Variants in GNG7 observed in about 807,000 individuals in gnomAD.
GNG7 encodes guanine nucleotide-binding protein G(I)/G(S)/G(O) subunit gamma-7.
Under a neutral mutation model 4.0 loss-of-function variants are expected in GNG7, and 1 was observed. That is an observed-to-expected ratio of 0.25 (90% CI 0.09 to 1.18). The LOEUF is 1.18. GNG7 is among the 50% of genes most tolerant of loss of function. The pLI is 0.50. For missense variants in GNG7, 86 were observed against 91.9 expected (o/e 0.94, Z 0.26); for synonymous variants, 34 against 36.9 (o/e 0.92, Z 0.29).
chr19:2,678,666 C>A (rs975211414), intron 1 of GNG7, among the ~76,000 whole-genome samples: 10 of 152,044 alleles, frequency 6.6e-5, no homozygotes, highest in African/African-American at 2.4e-4. Flanking sequence ...TCGGAGGGTC[C>A]TGGGCAGCAG....
At position 2,525,715 on chromosome 19, in the gene GNG7, G is replaced by A. The variant is rs189102991; in HGVS notation, c.-37-4990C>T. Among the ~76,000 whole-genome samples the A allele has an allele frequency of 6.2e-4, 94 of 152,020 alleles. No individual in the cohort carries two copies. The Middle Eastern group carries it at 0.014, about 22-fold the overall frequency. The stretch of plus-strand genomic sequence containing the variant: ...CCCCTTGCTCCGGCAGTTATCCCGA[G>A]GGCAAAAAATGAAAAGAAATAAAAA... On this transcript the variant is annotated intron_variant, in intron 3 of 4. Transcript: ENST00000382159.
chr19:2,683,187 C>A (rs527979536), intron 1 of GNG7, among the ~76,000 whole-genome samples: 8 of 151,452 alleles, frequency 5.3e-5, no homozygotes, highest in African/African-American at 1.9e-4. Flanking sequence ...TGCAGTGAGC[C>A]GAGATTGTGC....
intron 3 of GNG7, among the ~76,000 whole-genome samples, chr19:2,554,501 G>GTATACATATATATAGGTA (rs1979484992): frequency 6.8e-6 from 1 of 147,910 alleles, no homozygotes; most frequent in Non-Finnish European, 1.5e-5. Context: ...ACGCCACTGT[G>GTATACATATATATAGGTA]TATACATATA....
intron 2 of GNG7, among the ~76,000 whole-genome samples, chr19:2,562,930 C>A (rs1979787705): frequency 7.3e-6 from 1 of 137,120 alleles, no homozygotes; most frequent in Admixed American, 7.3e-5. Context: ...GGGACAGATT[C>A]AATCTTTTTC....
At chr19:2,682,523 C>A (rs966065239) in intron 1 of GNG7, among the ~76,000 whole-genome samples, 1 of 151,110 alleles carries the variant, frequency 6.6e-6, no homozygotes, top group African/African-American at 2.4e-5. Context: ...ATTGGCCAGG[C>A]GTGGTGGCAC....
In GNG7 at chr19:2,652,676, G is replaced by A. The variant is rs114859957; in HGVS notation, c.-134-6396C>T. Among the ~76,000 whole-genome samples the A allele has an allele frequency of 9.1e-3, 1,391 of 152,092 alleles. 21 individuals carry two copies. The highest frequency in any genetic ancestry group is 0.029 in the African/African-American group (1,207 of 41,464). On this transcript the variant is annotated intron_variant, in intron 1 of 4. Coordinates refer to ENST00000382159, the MANE Select transcript of GNG7 (RefSeq NM_052847.3). Reference sequence around the variant, plus strand: ...ACATAGAAACAGAAAGCAGAAGAGCGGTTAGTGGTAGAGGAGGGAAAGGAA... The same window carrying A: ...ACATAGAAACAGAAAGCAGAAGAGCAGTTAGTGGTAGAGGAGGGAAAGGAA...
chr19:2,527,935 T>C (rs1225624078), intron 3 of GNG7, among the ~76,000 whole-genome samples: 1 of 152,152 alleles, frequency 6.6e-6, no homozygotes, highest in African/African-American at 2.4e-5. Flanking sequence ...GCAAAGAGTT[T>C]GAACCCAGCT....
Position 2,692,508 on chromosome 19 carries a change from G to A in GNG7, c.-135+10138C>T, listed in dbSNP as rs188136086. Among the ~76,000 whole-genome samples the A allele has an allele frequency of 2.4e-3, 358 of 152,006 alleles. 2 individuals are homozygous for A. Among genetic ancestry groups the A allele is most frequent in the African/African-American group, 8.2e-3 (340 of 41,372 alleles). On this transcript the variant is annotated intron_variant, in intron 1 of 4. Transcript: ENST00000382159. ...AAATCAGCCGGGTGTGGTGGCGGGCGTCTGTAGTCCCAGCTACTCGGGAGG... is the reference window on the plus strand; with the variant it reads ...AAATCAGCCGGGTGTGGTGGCGGGCATCTGTAGTCCCAGCTACTCGGGAGG...
At chr19:2,661,023 C>G (rs896157447) in intron 1 of GNG7, among the ~76,000 whole-genome samples, 2 of 151,312 alleles carry the variant, frequency 1.3e-5, no homozygotes, top group South Asian at 2.1e-4. Context: ...GTCAGCCTGA[C>G]CAACATGGAG....
Position 2,530,863 on chromosome 19 carries a change from G to GC in GNG7, c.-37-10139_-37-10138insG, listed in dbSNP as rs1289232071. 3.9e-5 allele frequency among the ~76,000 whole-genome samples: 6 copies of GC among 152,192 alleles called. 1 individual carries two copies. The highest frequency in any genetic ancestry group is 8.8e-5 in the Non-Finnish European group (6 of 68,030). The stretch of plus-strand genomic sequence containing the variant: ...TTTGGGGTCACTTTTTCCTGGGGTT[G>GC]GGAGGGTTTGCTGAGAGGCCGAGTG... On this transcript the variant is annotated intron_variant, in intron 3 of 4. Coordinates refer to ENST00000382159, the MANE Select transcript of GNG7 (RefSeq NM_052847.3).
intron 2 of GNG7, among the ~76,000 whole-genome samples, chr19:2,616,037 G>T (rs1352073245): frequency 1.3e-5 from 2 of 152,156 alleles, no homozygotes; most frequent in African/African-American, 4.8e-5. Flanking sequence ...AGGGAACAGG[G>T]CAGGATGGAA....
At chr19:2,524,497 T>C (rs1416610749) in intron 3 of GNG7, among the ~76,000 whole-genome samples, 2 of 152,234 alleles carry the variant, frequency 1.3e-5, no homozygotes, top group African/African-American at 4.8e-5. Context: ...TATACTGGCA[T>C]TCATGAGTGT....
chr19:2,605,127 G>C (rs1307737447), intron 2 of GNG7, among the ~76,000 whole-genome samples: 1 of 152,164 alleles, frequency 6.6e-6, no homozygotes. Context: ...CCTCTGGCTT[G>C]AGCCCACATG....
intron 1 of GNG7, among the ~76,000 whole-genome samples, chr19:2,683,051 T>C (rs1983781308): frequency 6.6e-6 from 1 of 151,812 alleles, no homozygotes. Flanking sequence ...GCCAACGTGG[T>C]GAAACCCCAT....
At chr19:2,558,983 G>A (rs1979652646) in intron 2 of GNG7, among the ~76,000 whole-genome samples, 1 of 151,762 alleles carries the variant, frequency 6.6e-6, no homozygotes. Flanking sequence ...ATTTTCAGTA[G>A]AGACGGGGTT....
intron 3 of GNG7, among the ~76,000 whole-genome samples, chr19:2,540,332 G>A (rs969927530): frequency 2.0e-5 from 3 of 151,696 alleles, no homozygotes; most frequent in South Asian, 4.2e-4. Context: ...TTAATTTTTT[G>A]TAGAGATGGG....
intron 2 of GNG7, among the ~76,000 whole-genome samples, chr19:2,561,080 C>T (rs1420353009): frequency 6.6e-6 from 1 of 152,106 alleles, no homozygotes; most frequent in African/African-American, 2.4e-5. Flanking sequence ...GCTCCTGGGA[C>T]TCACCTCCTC....
chr19:2,577,307 G>C (rs567993456), intron 2 of GNG7, among the ~76,000 whole-genome samples: 3 of 152,154 alleles, frequency 2.0e-5, no homozygotes, highest in Admixed American at 2.0e-4. Context: ...AGGCTCGCCC[G>C]GGGAAGGCTC....
Position 2,562,742 on chromosome 19 carries a change from C to T in GNG7, c.-77-7554G>A, listed in dbSNP as rs531533785. Among the ~76,000 whole-genome samples, 16 of 152,262 alleles carry T rather than the reference C, an allele frequency of 1.1e-4. No homozygotes were observed. In the South Asian group the frequency reaches 3.1e-3, roughly 30 times the overall value. Reference sequence around the variant, plus strand: ...TGGAATCTTAGGGGATTCCACAGACCCCCAAGAGACTCTGCGTCCATAATC... The same window carrying T: ...TGGAATCTTAGGGGATTCCACAGACTCCCAAGAGACTCTGCGTCCATAATC... On this transcript the variant is annotated intron_variant, in intron 2 of 4. Coordinates refer to ENST00000382159, the MANE Select transcript of GNG7 (RefSeq NM_052847.3).
Sources: allele counts gnomAD v4.1 joint callset (sites outside exome capture counted in the v4.1 genomes callset), GRCh38; gene constraint gnomAD v4.1.1; transcripts MANE v1.5; gene names NCBI Gene and HGNC (gene_info 2026-07-23, HGNC 2026-07-21).